The following YJU2B variants were observed in gnomAD, a reference collection of about 807,000 sequenced individuals.
YJU2B encodes the protein YJU2 splicing factor homolog B.
YJU2B carries 18 observed loss-of-function variants against 38.0 expected under a neutral mutation model. That is an observed-to-expected ratio of 0.47 (90% CI 0.33 to 0.70). The LOEUF is 0.70. Among genes scored for constraint, YJU2B ranks in the 30% least tolerant of loss-of-function variants. The probability of loss-of-function intolerance (pLI) is 0.02; values close to 1 mark genes in which losing one functional copy is unlikely to be tolerated. For synonymous variants in YJU2B, 246 were observed against 225.4 expected (o/e 1.09, Z -0.82); for missense variants, 538 against 556.3 (o/e 0.97, Z 0.33).
At chr19:13,742,142 A>G (rs999284855) in intron 2 of YJU2B, among the ~76,000 whole-genome samples, 1 of 152,060 alleles carries the variant, frequency 6.6e-6, no homozygotes, top group Non-Finnish European at 1.5e-5. Context: ...GCTCAGAGGA[A>G]CTTTGTCCCA....
chr19:13,752,544 G>C (rs1241420154), intron 2 of YJU2B, among the ~76,000 whole-genome samples: 1 of 152,110 alleles, frequency 6.6e-6, no homozygotes, highest in Non-Finnish European at 1.5e-5. Context: ...AGGAGTTTGA[G>C]ACTACCCTGG....
intron 1 of YJU2B, among the ~76,000 whole-genome samples, chr19:13,750,107 G>A (rs1973398843): frequency 6.6e-6 from 1 of 152,194 alleles, no homozygotes; most frequent in East Asian, 1.9e-4. Flanking sequence ...ACTGTCCTAG[G>A]TGTTAGGGAT....
At position 13,733,023 on chromosome 19, in the gene YJU2B, A is replaced by C. The variant is rs1250208287; in HGVS notation, c.-202+738A>C. Among the ~76,000 whole-genome samples, 27 of 148,154 alleles carry C rather than the reference A, an allele frequency of 1.8e-4. No individual in the cohort carries two copies. In the Admixed American group the frequency reaches 1.8e-3, roughly 10 times the overall value. ...CGGCTCACTGCAAGCTCTGCCTCCC[A>C]GGTTCACGCCATTCTCCTGCCTCAG... On this transcript the variant is annotated intron_variant, in intron 2 of 10. Transcript: ENST00000586600.
At chr19:13,744,646 C>T (rs1401778558), upstream of YJU2B, among the ~76,000 whole-genome samples, 1 of 152,126 alleles carries the variant, frequency 6.6e-6, no homozygotes, top group Non-Finnish European at 1.5e-5. Context: ...GTCTCAGGGT[C>T]TTACTGACCC....
Position 13,762,668 on chromosome 19 carries a change from C to T in YJU2B, c.791C>T (p.Ser264Phe). Residue 264 changes from serine to phenylalanine, a missense_variant, in exon 10 of 10, where the codon TCC becomes TTC. This residue lies in a region of YJU2B where 488 missense variants were observed against 469.5 expected (regional missense o/e 1.04). Coordinates refer to ENST00000221554, the MANE Select transcript of YJU2B (RefSeq NM_030818.4). ...SWFPSAPGSA[S>F]SSKVSGVLKK... ...TTCCCCTCTGCCCCCGGATCCGCCT[C>T]CAGCAGCAAGGTCAGCGGCGTCCTG... 6.3e-7 allele frequency: 1 copy of T among 1,587,224 alleles called. No individual in the cohort carries two copies. Among genetic ancestry groups the T allele is most frequent in the Non-Finnish European group, 8.5e-7 (1 of 1,172,274 alleles).
intron 1 of YJU2B, among the ~76,000 whole-genome samples, chr19:13,750,433 G>C (rs1297484329): frequency 6.6e-6 from 1 of 152,072 alleles, no homozygotes; most frequent in Non-Finnish European, 1.5e-5. Context: ...CACCATGTTG[G>C]CCAGGCTGGT....
At chr19:13,732,952 C>T (rs537013053) in intron 2 of YJU2B, among the ~76,000 whole-genome samples, 2 of 143,470 alleles carry the variant, frequency 1.4e-5, no homozygotes, top group Non-Finnish European at 3.0e-5. Flanking sequence ...TTTTTTGAGA[C>T]GGGGTCTTGC....
chr19:13,738,746 C>G (rs572674087), intron 2 of YJU2B, among the ~76,000 whole-genome samples: 33 of 152,042 alleles, frequency 2.2e-4, no homozygotes, highest in African/African-American at 7.2e-4. Context: ...AAAAATTAGC[C>G]GGGCATGGTG....
At chr19:13,762,497 G>C in intron 9 of YJU2B, 60 bp downstream of exon 9, 4 of 1,589,896 alleles carry the variant, frequency 2.5e-6, no homozygotes, top group Non-Finnish European at 2.6e-6. Flanking sequence ...TGGAGATGGG[G>C]GGTCCTCAGC....
intron 3 of YJU2B, among the ~76,000 whole-genome samples, chr19:13,755,025 C>A (rs1338270566): frequency 6.6e-6 from 1 of 152,004 alleles, no homozygotes; most frequent in East Asian, 1.9e-4. Context: ...GCTGACCTCA[C>A]AGAATCATTG....
intron 2 of YJU2B, among the ~76,000 whole-genome samples, chr19:13,738,265 G>T (rs1047342914): frequency 6.6e-6 from 1 of 152,194 alleles, no homozygotes; most frequent in Admixed American, 6.6e-5. Context: ...TGGAAAAGGG[G>T]ATGAAAAGTC....
In YJU2B at chr19:13,752,600, C is replaced by CT. The variant is rs1568288590; in HGVS notation, c.3+789_3+790insT. ...CTCTACTAAAAATACAAAAATTAGCCAGGCGTGTTGGCGGGAGCCTGTAGT... is the reference window on the plus strand; with the variant it reads ...CTCTACTAAAAATACAAAAATTAGCCTAGGCGTGTTGGCGGGAGCCTGTAGT... On this transcript the variant is annotated intron_variant, in intron 2 of 9. Transcript: ENST00000221554. Among the ~76,000 whole-genome samples, 4 of 152,106 alleles carry CT rather than the reference C, an allele frequency of 2.6e-5. No homozygotes were observed. In the East Asian group the frequency reaches 7.7e-4, roughly 29 times the overall value.
upstream of YJU2B, among the ~76,000 whole-genome samples, chr19:13,746,440 T>C (rs1417715086): frequency 5.3e-5 from 8 of 152,078 alleles, no homozygotes; most frequent in African/African-American, 1.9e-4. Context: ...ACATAGACAA[T>C]AGATAAATGA....
At chr19:13,748,974 C>T (rs1555700558) in intron 1 of YJU2B, among the ~76,000 whole-genome samples, 5 of 152,210 alleles carry the variant, frequency 3.3e-5, no homozygotes, top group Non-Finnish European at 5.9e-5. Context: ...ACACCACTCC[C>T]ACTCCATCAG....
intron 6 of YJU2B, among the ~76,000 whole-genome samples, chr19:13,758,405 G>A (rs896655680): frequency 5.8e-4 from 89 of 152,330 alleles, no homozygotes; most frequent in African/African-American, 2.0e-3. Context: ...AGAGCAGCCT[G>A]TCTTGGGCGG....
chr19:13,762,642 G>C lies in YJU2B; in HGVS notation c.765G>C (p.Trp255Cys). ...GGACCGAGATCATCAGCCGCTCCTG[G>C]TTCCCCTCTGCCCCCGGATCCGCCT... Reference protein sequence around the residue: ...LKRTEIISRSWFPSAPGSASS... With the variant: ...LKRTEIISRSCFPSAPGSASS... Residue 255 changes from tryptophan (W) to cysteine (C), a missense_variant, in exon 10 of 10, where the codon TGG becomes TGC. Transcript: ENST00000221554. 3 of 1,544,900 alleles carry C rather than the reference G, an allele frequency of 1.9e-6. No homozygotes were observed. The highest frequency in any genetic ancestry group is 2.6e-6 in the Non-Finnish European group (3 of 1,153,554).
At chr19:13,752,236 TC>T (rs1973495484) in intron 2 of YJU2B, among the ~76,000 whole-genome samples, 1 of 81,470 alleles carries the variant, frequency 1.2e-5, no homozygotes, top group South Asian at 4.6e-4. Flanking sequence ...CCCTTTCCCC[TC>T]CCCCTCCCCT....
At chr19:13,760,498 A>G (rs560928865) in intron 8 of YJU2B, among the ~76,000 whole-genome samples, 2 of 152,310 alleles carry the variant, frequency 1.3e-5, no homozygotes, top group South Asian at 4.2e-4. Flanking sequence ...TTAAGCTTCA[A>G]CATATCAATT....
At chr19:13,745,463 C>T (rs928385936), upstream of YJU2B, among the ~76,000 whole-genome samples, 1 of 151,368 alleles carries the variant, frequency 6.6e-6, no homozygotes, top group Non-Finnish European at 1.5e-5. Context: ...AGGAATTCAA[C>T]ACCAGCCTGG....
Sources: allele counts gnomAD v4.1 joint callset (sites outside exome capture counted in the v4.1 genomes callset), GRCh38; gene constraint gnomAD v4.1.1; regional missense constraint gnomAD v4.1.1; transcripts MANE v1.5; gene names NCBI Gene and HGNC (gene_info 2026-07-23, HGNC 2026-07-21).